The following CBLB variants were observed in gnomAD, a reference collection of about 807,000 sequenced individuals.
CBLB encodes the protein E3 ubiquitin-protein ligase CBL-B.
A neutral mutation model predicts 104.9 loss-of-function variants in CBLB; 31 were observed. The ratio of observed to expected loss-of-function variants is 0.30; its 90% confidence interval spans 0.22 to 0.40. CBLB has a LOEUF of 0.40. Ranked by LOEUF, CBLB falls within the 10% of genes least tolerant of loss-of-function variation. The pLI is 1.00. For synonymous variants in CBLB, 440 were observed against 422.6 expected, an observed-to-expected ratio of 1.04 and a Z score of -0.51; for missense variants, 1,062 against 1,214.6, an observed-to-expected ratio of 0.87 and a Z score of 1.87.
At chr3:105,734,162 G>C in intron 8 of CBLB, 22 bp from the exon 9 acceptor site, 1 of 1,611,988 alleles carries the variant, frequency 6.2e-7, no homozygotes, top group Non-Finnish European at 8.5e-7. Context: ...GGAGGAGGGA[G>C]AAAGTAATGT....
chr3:105,777,653 T>C (rs1478561084), intron 3 of CBLB, among the ~76,000 whole-genome samples: 1 of 152,096 alleles, frequency 6.6e-6, no homozygotes, highest in Non-Finnish European at 1.5e-5. Flanking sequence ...AAGAAATAAA[T>C]GGAGAGTCAA....
At chr3:105,728,322 GACAA>G (rs1250443346) in intron 9 of CBLB, among the ~76,000 whole-genome samples, 4 of 152,186 alleles carry the variant, frequency 2.6e-5, no homozygotes, top group Admixed American at 6.5e-5. Context: ...ACCAATAATA[GACAA>G]ACAGAGAGCC....
chr3:105,732,908 G>T (rs1225421835), intron 9 of CBLB, among the ~76,000 whole-genome samples: 1 of 152,092 alleles, frequency 6.6e-6, no homozygotes, highest in Non-Finnish European at 1.5e-5. Flanking sequence ...TTAATTATTT[G>T]CTTTCTAAAC....
intron 3 of CBLB, among the ~76,000 whole-genome samples, chr3:105,805,594 C>T (rs1250927774): frequency 6.6e-6 from 1 of 152,178 alleles, no homozygotes; most frequent in South Asian, 2.1e-4. Flanking sequence ...GCATGAGCCA[C>T]CCCACCCAGC....
rs756465023 is a variant in CBLB at position 105,740,523 on chromosome 3, T to C, written c.954A>G (p.Gln318=). 8.8e-5 allele frequency: 142 copies of C among 1,613,990 alleles called. No individual in the cohort carries two copies. Among genetic ancestry groups the C allele is most frequent in the Non-Finnish European group, 1.1e-4 (127 of 1,179,996 alleles). ...QTIPHNKPLF[Q]ALIDGSREGF... ...CTTCCCTGCTGCCATCAATCAGGGCTTGAAATAAGGGCTTGTTATGAGGTA... is the reference window on the plus strand; with the variant it reads ...CTTCCCTGCTGCCATCAATCAGGGCCTGAAATAAGGGCTTGTTATGAGGTA... The change falls in exon 7 of 19, where the codon CAA becomes CAG. Residue 318 remains glutamine, a synonymous_variant. Coordinates refer to ENST00000394030, the MANE Select transcript of CBLB (RefSeq NM_170662.5).
chr3:105,806,412 C>G (rs547880540), intron 3 of CBLB, among the ~76,000 whole-genome samples: 1 of 150,114 alleles, frequency 6.7e-6, no homozygotes, highest in East Asian at 2.0e-4. Context: ...ATTCATAAAA[C>G]TCCACTTCAA....
chr3:105,775,548 T>C (rs1181041464), intron 4 of CBLB, among the ~76,000 whole-genome samples: 1 of 152,204 alleles, frequency 6.6e-6, no homozygotes, highest in African/African-American at 2.4e-5. Context: ...TCCTCCTTAC[T>C]TACTCAGCCA....
chr3:105,706,096 C>G (rs1014986435), intron 10 of CBLB, among the ~76,000 whole-genome samples: 1 of 151,936 alleles, frequency 6.6e-6, no homozygotes, highest in Non-Finnish European at 1.5e-5. Context: ...AAGCTATAAT[C>G]GTACCACTGC....
intron 9 of CBLB, among the ~76,000 whole-genome samples, chr3:105,727,568 T>C (rs970369533): frequency 1.3e-5 from 2 of 152,248 alleles, no homozygotes; most frequent in African/African-American, 4.8e-5. Context: ...TTGTCTATTT[T>C]GGCTTTTGTT....
At chr3:105,718,669 G>A (rs889973407) in intron 10 of CBLB, among the ~76,000 whole-genome samples, 5 of 152,124 alleles carry the variant, frequency 3.3e-5, no homozygotes, top group African/African-American at 1.2e-4. Flanking sequence ...GAACTACAGT[G>A]GAAGATCTTC....
At chr3:105,670,197 A>G (rs760428214) in intron 18 of CBLB, 36 bp downstream of exon 18, 1 of 1,592,228 alleles carries the variant, frequency 6.3e-7, no homozygotes, top group Non-Finnish European at 8.6e-7. Flanking sequence ...CTATATAACA[A>G]TAAGGTATTA....
At chr3:105,819,879 T>G (rs1230482458) in intron 3 of CBLB, among the ~76,000 whole-genome samples, 1 of 152,166 alleles carries the variant, frequency 6.6e-6, no homozygotes, top group Non-Finnish European at 1.5e-5. Context: ...CCCAACTATT[T>G]TGGCACCAGA....
chr3:105,855,734 G>A (rs1238147066), intron 2 of CBLB, among the ~76,000 whole-genome samples: 1 of 152,114 alleles, frequency 6.6e-6, no homozygotes, highest in Non-Finnish European at 1.5e-5. Context: ...CCAAAAACTA[G>A]TCTAGATTAT....
At chr3:105,734,532 G>GAA (rs35782719) in intron 8 of CBLB, among the ~76,000 whole-genome samples, 4 of 150,752 alleles carry the variant, frequency 2.7e-5, no homozygotes, top group Admixed American at 2.6e-4. Context: ...CTGTCAAATT[G>GAA]AAAAAAAAAT....
intron 18 of CBLB, among the ~76,000 whole-genome samples, chr3:105,660,553 T>A (rs908157765): frequency 2.0e-5 from 3 of 152,158 alleles, no homozygotes; most frequent in Non-Finnish European, 2.9e-5. Flanking sequence ...TTTAAGACTA[T>A]CTAGACAACA....
intron 5 of CBLB, among the ~76,000 whole-genome samples, chr3:105,747,355 T>C (rs1560068455): frequency 6.6e-6 from 1 of 152,226 alleles, no homozygotes; most frequent in African/African-American, 2.4e-5. Context: ...CTTTTGTTTG[T>C]TTTGAGACTT....
At chr3:105,829,985 G>A (rs1293265478) in intron 3 of CBLB, among the ~76,000 whole-genome samples, 1 of 152,128 alleles carries the variant, frequency 6.6e-6, no homozygotes, top group Non-Finnish European at 1.5e-5. Flanking sequence ...CCAACTGTCA[G>A]ATGTATTTTA....
chr3:105,753,779 A>G (rs2076799242), intron 4 of CBLB, among the ~76,000 whole-genome samples: 1 of 152,228 alleles, frequency 6.6e-6, no homozygotes, highest in South Asian at 2.1e-4. Context: ...ATTCTAATCT[A>G]GCATTTACAG....
intron 3 of CBLB, among the ~76,000 whole-genome samples, chr3:105,838,777 T>C (rs946603232): frequency 4.0e-5 from 6 of 151,750 alleles, no homozygotes; most frequent in Non-Finnish European, 8.8e-5. Flanking sequence ...AGCCTCCTGA[T>C]TACAGGCGCA....
Sources: allele counts gnomAD v4.1 joint callset (sites outside exome capture counted in the v4.1 genomes callset), GRCh38; gene constraint gnomAD v4.1.1; transcripts MANE v1.5; gene names NCBI Gene and HGNC (gene_info 2026-07-23, HGNC 2026-07-21).